Variants in PINX1 observed in about 807,000 individuals in gnomAD.
The protein encoded by PINX1 is PIN2/TERF1-interacting telomerase inhibitor 1.
PINX1 carries 34 observed loss-of-function variants against 25.4 expected under a neutral mutation model. The observed-to-expected ratio is 1.34, with a 90% CI of 1.02 to 1.78. PINX1 has a LOEUF of 1.78. Ranked by LOEUF, PINX1 falls within the 40% of genes most tolerant of loss-of-function variation. The pLI is 0.00. For missense variants in PINX1, 592 were observed against 404.9 expected (o/e 1.46, Z -3.97); for synonymous variants, 197 against 147.7 (o/e 1.33, Z -2.42).
intron 6 of PINX1, among the ~76,000 whole-genome samples, chr8:10,789,005 G>C (rs1294181578): frequency 7.3e-6 from 1 of 136,306 alleles, no homozygotes; most frequent in Non-Finnish European, 1.6e-5. Context: ...TGGGGGTGGG[G>C]ATTGAAGAGC....
At chr8:10,770,641 C>A (rs1324794586) in intron 6 of PINX1, among the ~76,000 whole-genome samples, 2 of 152,150 alleles carry the variant, frequency 1.3e-5, no homozygotes, top group Non-Finnish European at 2.9e-5. Flanking sequence ...TAGTACAATG[C>A]CCAAATAGAG....
intron 4 of PINX1, among the ~76,000 whole-genome samples, chr8:10,827,138 T>C (rs1586203630): frequency 1.3e-5 from 2 of 152,336 alleles, no homozygotes; most frequent in East Asian, 1.9e-4. Flanking sequence ...CAGGACTCTC[T>C]GAATTATTTT....
chr8:10,773,767 G>C (rs1025654900), intron 6 of PINX1, among the ~76,000 whole-genome samples: 1 of 152,184 alleles, frequency 6.6e-6, no homozygotes, highest in Non-Finnish European at 1.5e-5. Flanking sequence ...AGCTTCTCAA[G>C]TAATCAACAT....
chr8:10,834,938 A>G (rs532224204), intron 1 of PINX1, among the ~76,000 whole-genome samples, 163 bp from the exon 2 acceptor site: 122 of 152,388 alleles, frequency 8.0e-4, no homozygotes, highest in Non-Finnish European at 8.5e-4. Context: ...GTTAGACTGG[A>G]TCATTTATCC....
chr8:10,800,343 G>C (rs978382445), intron 6 of PINX1, among the ~76,000 whole-genome samples: 45 of 152,158 alleles, frequency 3.0e-4, no homozygotes, highest in African/African-American at 1.1e-3. Flanking sequence ...TTTAAATAAT[G>C]TCAATGATAA....
chr8:10,767,793 C>T (rs1801103965), intron 6 of PINX1, among the ~76,000 whole-genome samples: 1 of 114,044 alleles, frequency 8.8e-6, no homozygotes, highest in Non-Finnish European at 1.8e-5. Flanking sequence ...GACCAGGCAC[C>T]CTCACAGCCA....
intron 6 of PINX1, among the ~76,000 whole-genome samples, chr8:10,776,789 A>G (rs1186648883): frequency 6.6e-6 from 1 of 152,164 alleles, no homozygotes; most frequent in Non-Finnish European, 1.5e-5. Flanking sequence ...TGCTCCCTTC[A>G]GACTACGGCT....
At chr8:10,807,317 T>TCCCCCCCCC (rs1184898113) in intron 6 of PINX1, among the ~76,000 whole-genome samples, 1 of 39,740 alleles carries the variant, frequency 2.5e-5, no homozygotes, top group South Asian at 1.3e-3. Flanking sequence ...ATCAAGAAAA[T>TCCCCCCCCC]CCCCCCCCCA....
chr8:10,766,037 C>T, intron 6 of PINX1, 121 bp from the exon 7 acceptor site: 2 of 881,448 alleles, frequency 2.3e-6, no homozygotes, highest in Non-Finnish European at 1.8e-6. Flanking sequence ...TCACACCCGG[C>T]ACCCACACCC....
intron 6 of PINX1, among the ~76,000 whole-genome samples, chr8:10,817,062 T>C (rs1169614620): frequency 1.3e-5 from 2 of 152,180 alleles, no homozygotes; most frequent in East Asian, 1.9e-4. Flanking sequence ...GCTTCCCTTA[T>C]TGCAAGGGTG....
Position 10,805,661 on chromosome 8 carries a change from T to A in PINX1, c.471+14532A>T, listed in dbSNP as rs1470405041. On this transcript the variant is annotated intron_variant, in intron 6 of 6. Coordinates refer to ENST00000314787, the MANE Select transcript of PINX1 (RefSeq NM_017884.6). ...AGGGGCCACACTAGCGCTGAGTGGGTGACGGAGCACAGGAAGGGGCCACAC... is the reference window on the plus strand; with the variant it reads ...AGGGGCCACACTAGCGCTGAGTGGGAGACGGAGCACAGGAAGGGGCCACAC... Among the ~76,000 whole-genome samples the A allele has an allele frequency of 2.5e-4, 19 of 74,538 alleles. 1 individual carries two copies. The highest frequency in any genetic ancestry group is 1.1e-3 in the African/African-American group (14 of 12,548). The allele number at this position is 74,538 out of a possible 152,430, so 48.9% of individuals were successfully genotyped here. A position where few individuals can be genotyped will look rare whatever the true frequency, so the allele number is the denominator to read the frequency against.
At chr8:10,821,304 C>T (rs916919072) in intron 5 of PINX1, among the ~76,000 whole-genome samples, 3 of 152,186 alleles carry the variant, frequency 2.0e-5, no homozygotes, top group Non-Finnish European at 4.4e-5. Context: ...TATGATATTG[C>T]TCAGTGACTC....
intron 2 of PINX1, among the ~76,000 whole-genome samples, chr8:10,834,192 A>C (rs1162799139): frequency 6.6e-6 from 1 of 152,234 alleles, no homozygotes; most frequent in Non-Finnish European, 1.5e-5. Flanking sequence ...AGTGAGGTGA[A>C]AAGAAGAGCA....
chr8:10,829,167 T>G (rs1022709387), intron 4 of PINX1, among the ~76,000 whole-genome samples: 1 of 150,988 alleles, frequency 6.6e-6, no homozygotes, highest in Non-Finnish European at 1.5e-5. Flanking sequence ...GCACCTGTAA[T>G]CCCAGCTACT....
At chr8:10,785,789 A>G (rs187211791) in intron 6 of PINX1, among the ~76,000 whole-genome samples, 10 of 152,388 alleles carry the variant, frequency 6.6e-5, no homozygotes, top group Admixed American at 1.3e-4. Flanking sequence ...ACCAACATAT[A>G]CGTGTGTACA....
At chr8:10,773,010 A>C (rs1168745510) in intron 6 of PINX1, among the ~76,000 whole-genome samples, 1 of 152,168 alleles carries the variant, frequency 6.6e-6, no homozygotes, top group African/African-American at 2.4e-5. Flanking sequence ...CATGAATTTC[A>C]AATACCAGTG....
intron 6 of PINX1, among the ~76,000 whole-genome samples, chr8:10,784,114 T>C (rs1311390420): frequency 2.6e-5 from 4 of 152,306 alleles, no homozygotes; most frequent in African/African-American, 4.8e-5. Flanking sequence ...GTATCTGAGG[T>C]CCATTAAAAA....
chr8:10,769,814 C>A (rs1056158022), intron 6 of PINX1, among the ~76,000 whole-genome samples: 1 of 152,196 alleles, frequency 6.6e-6, no homozygotes, highest in Admixed American at 6.5e-5. Flanking sequence ...GACCCCGACT[C>A]CTAGCTCCCA....
rs566649484 is a variant in PINX1, at chr8:10,801,933, A to G, written c.471+18260T>C. On this transcript the variant is annotated intron_variant, in intron 6 of 6. Coordinates refer to ENST00000314787, the MANE Select transcript of PINX1 (RefSeq NM_017884.6). ...AAGTGTCAAGGAAAACATGAAATGC[A>G]CAAGCACCACTGGAATGCAGCAATC... Among the ~76,000 whole-genome samples the G allele has an allele frequency of 7.0e-4, 107 of 152,264 alleles. 1 individual carries two copies. Among genetic ancestry groups the G allele is most frequent in the African/African-American group, 2.4e-3 (98 of 41,544 alleles).
Sources: gnomAD v4.1 joint callset for allele counts (sites outside exome capture counted in the v4.1 genomes callset) on GRCh38, gnomAD v4.1.1 for gene constraint, MANE v1.5 for transcripts, NCBI Gene and HGNC (gene_info 2026-07-23, HGNC 2026-07-21) for gene names.